Variants in TSC22D1 observed in about 807,000 individuals in gnomAD.
The protein encoded by TSC22D1 is TSC22 domain family member 1, also known as TSC22 domain family protein 1.
In TSC22D1, 9 loss-of-function variants were observed where a neutral mutation model predicts 74.2. The observed-to-expected ratio is 0.12, with a 90% CI of 0.07 to 0.21. The LOEUF (loss-of-function observed/expected upper bound fraction) is 0.21, where lower values mean the gene tolerates loss of function less well. Ranked by LOEUF, TSC22D1 falls within the 10% of genes least tolerant of loss-of-function variation. The pLI is 1.00. For synonymous variants in TSC22D1, 586 were observed against 492.5 expected (o/e 1.19, Z -2.51); for missense variants, 1,427 against 1,304.7 (o/e 1.09, Z -1.44).
chr13:44,506,729 G>A (rs56744104), intron 1 of TSC22D1, among the ~76,000 whole-genome samples: 1 of 152,166 alleles, frequency 6.6e-6, no homozygotes. Context: ...GCTGGGTATC[G>A]AGAGAGTATG....
chr13:44,540,886 T>C lies in TSC22D1; in HGVS notation c.2912+32277A>G, dbSNP rs531198970. On this transcript the variant is annotated intron_variant, in intron 1 of 2. Coordinates refer to ENST00000458659, the MANE Select transcript of TSC22D1 (RefSeq NM_183422.4). ...GTGTTGCCTTTGGAAAACAGATCAA[T>C]TATGCTTTGTGGTACAGAGTAATAC... is the stretch of plus-strand genomic sequence containing the variant. Among the ~76,000 whole-genome samples the C allele has an allele frequency of 8.5e-5, 13 of 152,286 alleles. No homozygotes were observed. The South Asian group carries it at 2.3e-3, about 27-fold the overall frequency.
intron 1 of TSC22D1, among the ~76,000 whole-genome samples, chr13:44,492,535 T>C (rs1002289592): frequency 6.6e-6 from 1 of 152,160 alleles, no homozygotes; most frequent in African/African-American, 2.4e-5. Flanking sequence ...CAGGATTCCA[T>C]ATAAAGCATA....
chr13:44,466,762 C>G (rs4941505), intron 1 of TSC22D1, among the ~76,000 whole-genome samples: 1 of 150,332 alleles, frequency 6.7e-6, no homozygotes, highest in Non-Finnish European at 1.5e-5. Context: ...AGAATGAGAC[C>G]GTGTCTCAAA....
intron 1 of TSC22D1, among the ~76,000 whole-genome samples, chr13:44,531,517 T>C (rs1342662946): frequency 6.6e-6 from 1 of 152,062 alleles, no homozygotes; most frequent in African/African-American, 2.4e-5. Flanking sequence ...GTTAACTCAA[T>C]TAAATTAGGT....
Position 44,576,237 on chromosome 13 carries a change from C to T in TSC22D1, c.-163G>A, listed in dbSNP as rs1057330004. 9.7e-6 allele frequency: 10 copies of T among 1,033,080 alleles called. No homozygotes were observed. The highest frequency in any genetic ancestry group is 1.6e-5 in the African/African-American group (1 of 61,676). 64.0% of individuals were successfully genotyped at this position (1,033,080 alleles called of 1,614,324 possible). ...CAAAGGCGCCGGTCGCTCCTGCCTT[C>T]GAGAGCGAGCTTCGGAAAGGAGGAT... On this transcript the variant is annotated 5_prime_UTR_variant, in exon 1 of 3. Coordinates refer to ENST00000458659, the MANE Select transcript of TSC22D1 (RefSeq NM_183422.4).
chr13:44,451,896 G>A (rs754780468), intron 1 of TSC22D1, among the ~76,000 whole-genome samples: 7 of 152,180 alleles, frequency 4.6e-5, no homozygotes, highest in Non-Finnish European at 1.0e-4. Context: ...ATGGCTGACC[G>A]AGGAGAGGAC....
chr13:44,547,148 G>C (rs762682353), intron 1 of TSC22D1, among the ~76,000 whole-genome samples: 1 of 151,986 alleles, frequency 6.6e-6, no homozygotes, highest in Non-Finnish European at 1.5e-5. Flanking sequence ...CCTGAATATG[G>C]TTCCATACTC....
intron 1 of TSC22D1, among the ~76,000 whole-genome samples, chr13:44,506,745 G>C (rs1879466246): frequency 6.6e-6 from 1 of 152,224 alleles, no homozygotes; most frequent in Non-Finnish European, 1.5e-5. Flanking sequence ...GTATGGAAAA[G>C]ATGGAAGTGG....
At chr13:44,540,279 G>A (rs1202735846) in intron 1 of TSC22D1, among the ~76,000 whole-genome samples, 1 of 152,236 alleles carries the variant, frequency 6.6e-6, no homozygotes, top group Admixed American at 6.5e-5. Context: ...TATATCAAAG[G>A]AGGAGTCCCA....
intron 1 of TSC22D1, among the ~76,000 whole-genome samples, chr13:44,556,774 G>A (rs1288321328): frequency 6.6e-6 from 1 of 152,104 alleles, no homozygotes; most frequent in African/African-American, 2.4e-5. Flanking sequence ...GCTGAGGCAG[G>A]AGAATCCTTT....
In TSC22D1 at chr13:44,517,857, A is replaced by ATTTTTTTTTTTTT. The variant is rs71070912; in HGVS notation, c.2912+55293_2912+55305dup. On this transcript the variant is annotated intron_variant, in intron 1 of 2. Transcript: ENST00000458659. ...TATATATATATATATATATATATAT[A>ATTTTTTTTTTTTT]TTTTTTTTTTTTTTTTTTTTTTAAC... Among the ~76,000 whole-genome samples, 7 of 16,174 alleles carry ATTTTTTTTTTTTT rather than the reference A, an allele frequency of 4.3e-4. 1 individual carries two copies. Among genetic ancestry groups the ATTTTTTTTTTTTT allele is most frequent in the Admixed American group, 9.2e-4 (1 of 1,092 alleles). 10.6% of individuals were successfully genotyped at this position (16,174 alleles called of 152,430 possible).
At chr13:44,472,487 C>A (rs889658734) in intron 1 of TSC22D1, among the ~76,000 whole-genome samples, 1 of 152,104 alleles carries the variant, frequency 6.6e-6, no homozygotes, top group African/African-American at 2.4e-5. Flanking sequence ...ACTCACTCAA[C>A]AAACATATGA....
At chr13:44,538,023 C>T (rs1881251615) in intron 1 of TSC22D1, 4 of 985,198 alleles carry the variant, frequency 4.1e-6, no homozygotes, top group Non-Finnish European at 4.8e-6. Context: ...GAAACAGAAA[C>T]ATTTTGATAA....
chr13:44,457,843 A>G (rs1229451652), intron 1 of TSC22D1, among the ~76,000 whole-genome samples: 1 of 152,222 alleles, frequency 6.6e-6, no homozygotes, highest in African/African-American at 2.4e-5. Flanking sequence ...AACTGCAAAA[A>G]GAATTTCCAG....
At chr13:44,516,325 C>G in intron 1 of TSC22D1, 1 of 476,874 alleles carries the variant, frequency 2.1e-6, no homozygotes, top group South Asian at 1.6e-5. Context: ...CAGGTTACCT[C>G]CCTCTAATTC....
At chr13:44,437,367 T>C in intron 1 of TSC22D1, 1 of 551,716 alleles carries the variant, frequency 1.8e-6, no homozygotes, top group African/African-American at 2.1e-5. Context: ...TTATAGACGG[T>C]TTTATTTTTA....
At chr13:44,542,998 G>T (rs1435358768) in intron 1 of TSC22D1, among the ~76,000 whole-genome samples, 1 of 152,010 alleles carries the variant, frequency 6.6e-6, no homozygotes, top group East Asian at 1.9e-4. Context: ...TCAAACCAAA[G>T]CTAACAAAAT....
At chr13:44,495,347 CT>C (rs1878922795) in intron 1 of TSC22D1, among the ~76,000 whole-genome samples, 1 of 149,386 alleles carries the variant, frequency 6.7e-6, no homozygotes, top group Non-Finnish European at 1.5e-5. Flanking sequence ...ACAAAACTAT[CT>C]TTTAAAAATG....
intron 1 of TSC22D1, among the ~76,000 whole-genome samples, chr13:44,465,743 C>T (rs1158851745): frequency 6.6e-5 from 10 of 152,122 alleles, no homozygotes; most frequent in Non-Finnish European, 1.5e-4. Context: ...GAGGCCGAGG[C>T]GAGTGGATCA....
Sources: allele counts gnomAD v4.1 joint callset (sites outside exome capture counted in the v4.1 genomes callset), GRCh38; gene constraint gnomAD v4.1.1; transcripts MANE v1.5; gene names NCBI Gene and HGNC (gene_info 2026-07-23, HGNC 2026-07-21).